Variants in SCEL observed in about 807,000 individuals in gnomAD.
SCEL encodes the protein sciellin.
In SCEL, 113 loss-of-function variants were observed where a neutral mutation model predicts 117.6. That is an observed-to-expected ratio of 0.96 (90% CI 0.83 to 1.12). The LOEUF (loss-of-function observed/expected upper bound fraction) is 1.12. SCEL is among the 50% of genes most tolerant of loss of function. SCEL has a pLI of 0.00. For missense variants in SCEL, 785 were observed against 810.8 expected (o/e 0.97, Z 0.39); for synonymous variants, 270 against 256.2 (o/e 1.05, Z -0.51).
rs624116 is a variant in SCEL at position 77,539,735 on chromosome 13, A to T, written c.-20+3911A>T. Among the ~76,000 whole-genome samples, 9 of 152,188 alleles carry T rather than the reference A, an allele frequency of 5.9e-5. No homozygotes were observed. The East Asian group carries it at 1.7e-3, about 29-fold the overall frequency. ...ATTTTTAGTAGAGATGAGGTTTCACAGTGTTAGCCAGGATGGTCTCGATCT... is the reference window on the plus strand; with the variant it reads ...ATTTTTAGTAGAGATGAGGTTTCACTGTGTTAGCCAGGATGGTCTCGATCT... On this transcript the variant is annotated intron_variant, in intron 1 of 32. Coordinates refer to ENST00000349847, the MANE Select transcript of SCEL (RefSeq NM_144777.3).
rs118186613 is a variant in SCEL at position 77,579,489 on chromosome 13, C to T, written c.545+7300C>T. On this transcript the variant is annotated intron_variant, in intron 9 of 32. Transcript: ENST00000349847. The stretch of plus-strand genomic sequence containing the variant: ...TATGTGCTAAGTAACACCTCTCTCT[C>T]TTCCTCTCTGTGTTTCTCCCTGTCT... Among the ~76,000 whole-genome samples the T allele has an allele frequency of 5.0e-3, 754 of 152,304 alleles. 3 individuals are homozygous for T. The highest frequency in any genetic ancestry group is 8.6e-3 in the Non-Finnish European group (583 of 68,028).
chr13:77,589,191 T>A lies in SCEL; in HGVS notation c.593T>A (p.Val198Asp), dbSNP rs1567385824. 1 of 1,613,104 alleles carries A rather than the reference T, an allele frequency of 6.2e-7. No homozygotes were observed. The highest frequency in any genetic ancestry group is 1.3e-5 in the African/African-American group (1 of 75,002). The change falls in exon 10 of 33, where the codon GTT becomes GAT. Residue 198 changes from valine to aspartate, a missense_variant. Val to Asp is a radical substitution (Grantham distance 152, BLOSUM62 -3). Coordinates refer to ENST00000349847, the MANE Select transcript of SCEL (RefSeq NM_144777.3). ...PPIPPKPSSP[V>D]SSPNQLRQDN... ...ATACCTCCAAAGCCCAGTTCTCCTG[T>A]TTCTTCTCCTAACCAGCTGAGACAG...
chr13:77,614,999 C>T (rs2088920204), intron 24 of SCEL, among the ~76,000 whole-genome samples: 2 of 151,998 alleles, frequency 1.3e-5, no homozygotes, highest in Non-Finnish European at 2.9e-5. Context: ...ACCAGGGGCA[C>T]AGAGATGTTA....
At chr13:77,579,680 A>G (rs2086157943) in intron 9 of SCEL, among the ~76,000 whole-genome samples, 1 of 152,234 alleles carries the variant, frequency 6.6e-6, no homozygotes, top group Admixed American at 6.5e-5. Flanking sequence ...GATAAACACA[A>G]AGGTCAAGGT....
At chr13:77,547,567 C>T (rs1279645565) in intron 1 of SCEL, among the ~76,000 whole-genome samples, 1 of 152,160 alleles carries the variant, frequency 6.6e-6, no homozygotes, top group African/African-American at 2.4e-5. Context: ...TGGAAGTTTG[C>T]ACCCAGGGTT....
chr13:77,619,306 A>G (rs2089278476), intron 27 of SCEL, among the ~76,000 whole-genome samples: 2 of 152,154 alleles, frequency 1.3e-5, no homozygotes, highest in Non-Finnish European at 2.9e-5. Flanking sequence ...ATTCATGTAC[A>G]TTTAATCTTC....
intron 1 of SCEL, among the ~76,000 whole-genome samples, chr13:77,549,480 C>T (rs908013781): frequency 1.3e-5 from 2 of 152,152 alleles, no homozygotes; most frequent in African/African-American, 4.8e-5. Context: ...ATCTGCTATA[C>T]CCCATTGTTA....
chr13:77,578,608 G>T (rs989050095), intron 9 of SCEL, among the ~76,000 whole-genome samples: 1 of 152,158 alleles, frequency 6.6e-6, no homozygotes, highest in Admixed American at 6.5e-5. Flanking sequence ...CAGAGATCAG[G>T]TCCCCAAAGG....
chr13:77,569,311 G>A (rs958745442), intron 7 of SCEL, 60 bp from the exon 8 acceptor site: 6 of 1,316,266 alleles, frequency 4.6e-6, no homozygotes, highest in Non-Finnish European at 5.5e-6. Flanking sequence ...ACTTTTCAAA[G>A]GTAGGCTGAA....
At position 77,568,070 on chromosome 13, in the gene SCEL, G is replaced by A. The variant is rs112795664; in HGVS notation, c.360-225G>A. Among the ~76,000 whole-genome samples the A allele has an allele frequency of 4.3e-3, 650 of 151,922 alleles. 3 individuals are homozygous for A. Among genetic ancestry groups the A allele is most frequent in the African/African-American group, 0.015 (613 of 41,424 alleles). ...CTGAACCCAACAAATAAAAATATTGGGCTTAAAAGATACTAAATTTTCAGA... is the reference window on the plus strand; with the variant it reads ...CTGAACCCAACAAATAAAAATATTGAGCTTAAAAGATACTAAATTTTCAGA... On this transcript the variant is annotated intron_variant, in intron 6 of 32. Transcript: ENST00000349847.
rs974546013 is a variant in SCEL at position 77,588,206 on chromosome 13, G to T, written c.546-938G>T. 2.6e-5 allele frequency among the ~76,000 whole-genome samples: 4 copies of T among 152,288 alleles called. No individual in the cohort carries two copies. The South Asian group carries it at 6.2e-4, about 24-fold the overall frequency. On this transcript the variant is annotated intron_variant, in intron 9 of 32. Transcript: ENST00000349847. ...CATAGAAAGCTACCAATAAATGTTT[G>T]TTGAGTAAAAACACAATCTCATTCA...
Position 77,644,378 on chromosome 13 carries a change from C to A in SCEL, c.*104C>A. ...CTAGAAAAGCTTTCACATTGAAGATCAACTCTTGTACAAAATTAACAATTC... is the reference window on the plus strand; with the variant it reads ...CTAGAAAAGCTTTCACATTGAAGATAAACTCTTGTACAAAATTAACAATTC... On this transcript the variant is annotated 3_prime_UTR_variant, in exon 33 of 33. Transcript: ENST00000349847. 1 of 1,137,474 alleles carries A rather than the reference C, an allele frequency of 8.8e-7. No homozygotes were observed. Among genetic ancestry groups the A allele is most frequent in the Non-Finnish European group, 1.3e-6 (1 of 771,088 alleles). 70.5% of individuals were successfully genotyped at this position (1,137,474 alleles called of 1,614,324 possible). A position where few individuals can be genotyped will look rare whatever the true frequency, so the allele number is the denominator to read the frequency against.
chr13:77,641,039 G>GT (rs2090534833), intron 31 of SCEL, among the ~76,000 whole-genome samples: 1 of 151,756 alleles, frequency 6.6e-6, no homozygotes, highest in Admixed American at 6.6e-5. Context: ...TTAAATCTGT[G>GT]GGAAAAAAAA....
chr13:77,601,597 G>A (rs1484216114), intron 15 of SCEL, among the ~76,000 whole-genome samples: 2 of 152,138 alleles, frequency 1.3e-5, no homozygotes, highest in African/African-American at 4.8e-5. Flanking sequence ...CTTTACCAAG[G>A]TGACTTCAGA....
At chr13:77,559,962 G>T in intron 4 of SCEL, 99 bp downstream of exon 4, 1 of 1,028,942 alleles carries the variant, frequency 9.7e-7, no homozygotes, top group South Asian at 1.4e-5. Context: ...AGCATGCCTT[G>T]GGCTTTCCCC....
chr13:77,628,777 C>T (rs1200067907), intron 28 of SCEL, among the ~76,000 whole-genome samples: 1 of 152,124 alleles, frequency 6.6e-6, no homozygotes, highest in Non-Finnish European at 1.5e-5. Context: ...AGAGCTGGCT[C>T]ATTTTTCTTT....
intron 1 of SCEL, among the ~76,000 whole-genome samples, chr13:77,536,659 G>GT (rs2083435953): frequency 6.6e-6 from 1 of 152,206 alleles, no homozygotes; most frequent in Non-Finnish European, 1.5e-5. Context: ...GCTGACTTGT[G>GT]TTTTTTCTCA....
At chr13:77,567,178 G>C (rs1282981891) in intron 5 of SCEL, among the ~76,000 whole-genome samples, 1 of 152,210 alleles carries the variant, frequency 6.6e-6, no homozygotes. Context: ...TTCAGGCTGG[G>C]TGCCTTGGCT....
At chr13:77,560,907 T>C (rs998038256) in intron 4 of SCEL, among the ~76,000 whole-genome samples, 1 of 151,444 alleles carries the variant, frequency 6.6e-6, no homozygotes, top group Non-Finnish European at 1.5e-5. Context: ...ACACGTCTAT[T>C]TTGGAAACTT....
Sources: gnomAD v4.1 joint callset for allele counts (sites outside exome capture counted in the v4.1 genomes callset) on GRCh38, gnomAD v4.1.1 for gene constraint, MANE v1.5 for transcripts, NCBI Gene and HGNC (gene_info 2026-07-23, HGNC 2026-07-21) for gene names.